Variants in SBNO2 observed in about 807,000 individuals in gnomAD.
SBNO2 encodes the protein protein strawberry notch homolog 2.
SBNO2 carries 89 observed loss-of-function variants against 146.3 expected under a neutral mutation model. That is an observed-to-expected ratio of 0.61 (90% CI 0.51 to 0.73). The LOEUF is 0.73. Among genes scored for constraint, SBNO2 ranks in the 30% least tolerant of loss-of-function variants. The pLI is 0.00. For missense variants in SBNO2, 2,092 were observed against 2,003.7 expected, an observed-to-expected ratio of 1.04 and a Z score of -0.84; for synonymous variants, 1,147 against 892.6, an observed-to-expected ratio of 1.29 and a Z score of -5.08.
chr19:1,156,681 G>A (rs750465909), intron 1 of SBNO2, among the ~76,000 whole-genome samples: 26 of 152,250 alleles, frequency 1.7e-4, no homozygotes, highest in Admixed American at 3.3e-4. Flanking sequence ...GAACAGCAGC[G>A]AGGCCGACCT....
In SBNO2 at chr19:1,122,431, C is replaced by T. The variant is rs182195916; in HGVS notation, c.1005+37G>A. On this transcript the variant is annotated intron_variant, in intron 10 of 31. Coordinates refer to ENST00000361757, the MANE Select transcript of SBNO2 (RefSeq NM_014963.3). ...GCCCCCACTTTGCAGGGCACGGTCC[C>T]CACCTTGCCCCCTACTTTGCCGAGC... The T allele has an allele frequency of 2.6e-6, 4 of 1,546,478 alleles. No homozygotes were observed. In the South Asian group the frequency reaches 3.6e-5, roughly 14 times the overall value.
intron 4 of SBNO2, among the ~76,000 whole-genome samples, chr19:1,143,455 G>A (rs1021748512): frequency 6.6e-6 from 1 of 152,116 alleles, no homozygotes; most frequent in Non-Finnish European, 1.5e-5. Flanking sequence ...CTGAACAACA[G>A]AGCCAGACCC....
chr19:1,163,580 CTG>C (rs1200144880), intron 1 of SBNO2, among the ~76,000 whole-genome samples: 26 of 152,226 alleles, frequency 1.7e-4, no homozygotes, highest in Admixed American at 1.7e-3. Flanking sequence ...ACGAGGCTGT[CTG>C]TGGATTTCCA....
intron 1 of SBNO2, among the ~76,000 whole-genome samples, chr19:1,168,182 AC>A (rs1010796861): frequency 6.6e-6 from 1 of 151,620 alleles, no homozygotes; most frequent in African/African-American, 2.4e-5. Flanking sequence ...AAGCATCCAC[AC>A]CCCCACCCCG....
At chr19:1,151,377 G>A (rs1368275686) in intron 2 of SBNO2, among the ~76,000 whole-genome samples, 1 of 152,166 alleles carries the variant, frequency 6.6e-6, no homozygotes, top group Non-Finnish European at 1.5e-5. Flanking sequence ...CTGTACCCAG[G>A]CCAGGCTAGG....
intron 17 of SBNO2, among the ~76,000 whole-genome samples, chr19:1,114,927 C>T (rs2079813502): frequency 6.6e-6 from 1 of 151,944 alleles, no homozygotes; most frequent in Non-Finnish European, 1.5e-5. Context: ...ACCACCACGC[C>T]TGGCTTATTT....
At chr19:1,131,421 GGGAGGACC>G (rs1211592404) in intron 4 of SBNO2, among the ~76,000 whole-genome samples, 29 of 63,460 alleles carry the variant, frequency 4.6e-4, no homozygotes, top group African/African-American at 2.1e-3. Context: ...GTGGGGAGCT[GGGAGGACC>G]TGGCTGGGAG....
At chr19:1,132,904 G>C (rs2080047444) in intron 4 of SBNO2, among the ~76,000 whole-genome samples, 1 of 152,212 alleles carries the variant, frequency 6.6e-6, no homozygotes, top group South Asian at 2.1e-4. Flanking sequence ...AGCGTCCTGG[G>C]AAAAGAACGT....
At chr19:1,120,577 G>A (rs1210660450) in intron 11 of SBNO2, among the ~76,000 whole-genome samples, 17 of 151,996 alleles carry the variant, frequency 1.1e-4, no homozygotes, top group Admixed American at 1.1e-3. Context: ...CCGTTTGGTT[G>A]GCCAGATAAT....
At chr19:1,170,819 T>C (rs919606553) in intron 1 of SBNO2, among the ~76,000 whole-genome samples, 2 of 151,216 alleles carry the variant, frequency 1.3e-5, no homozygotes, top group East Asian at 2.0e-4. Flanking sequence ...AAGTACACGT[T>C]TGCATGAGCA....
rs556378316 is a variant in SBNO2, at chr19:1,126,707, C to T, written c.441+897G>A. Among the ~76,000 whole-genome samples, 87 of 152,308 alleles carry T rather than the reference C, an allele frequency of 5.7e-4. No individual in the cohort carries two copies. The Middle Eastern group carries it at 0.01, about 18-fold the overall frequency. ...TATGGGTGTGAGCCCACCACTGTGC[C>T]GGGAGCGTGCGGAGGCTGGCATGGG... On this transcript the variant is annotated intron_variant, in intron 5 of 31. Transcript: ENST00000361757. The surrounding 1 kb of genome is among the most constrained non-coding windows in gnomAD (Gnocchi z 4.4).
At chr19:1,171,630 T>A (rs2080478697) in intron 1 of SBNO2, among the ~76,000 whole-genome samples, 1 of 152,192 alleles carries the variant, frequency 6.6e-6, no homozygotes, top group Non-Finnish European at 1.5e-5. Flanking sequence ...GAGCTCACTC[T>A]GGCGGTGTTG....
rs1273926314 is a variant in SBNO2 at position 1,111,977 on chromosome 19, C to A, written c.2700+19G>T. The A allele has an allele frequency of 6.2e-7, 1 of 1,609,440 alleles. No homozygotes were observed. Among genetic ancestry groups the A allele is most frequent in the South Asian group, 1.1e-5 (1 of 90,862 alleles). On this transcript the variant is annotated intron_variant, in intron 23 of 31. Coordinates refer to ENST00000361757, the MANE Select transcript of SBNO2 (RefSeq NM_014963.3). ...CCCTGCCCCTGCCCCGCCCCCCAACCCTGCCTTCCCTGCAGTACCTTGTTC... is the reference window on the plus strand; with the variant it reads ...CCCTGCCCCTGCCCCGCCCCCCAACACTGCCTTCCCTGCAGTACCTTGTTC...
intron 3 of SBNO2, among the ~76,000 whole-genome samples, chr19:1,148,023 C>T (rs1005290120): frequency 9.2e-5 from 14 of 151,968 alleles, no homozygotes; most frequent in South Asian, 2.1e-4. Context: ...TGCCCTTCCC[C>T]ACTCCGGCCC....
At chr19:1,122,823 G>A (rs1212803223) in intron 8 of SBNO2, 32 bp from the exon 9 acceptor site, 1 of 1,538,202 alleles carries the variant, frequency 6.5e-7, no homozygotes, top group Admixed American at 2.0e-5. Context: ...CAGGGCCTGG[G>A]GGTGCTGGCC....
At chr19:1,164,589 A>C in intron 1 of SBNO2, among the ~76,000 whole-genome samples, 1 of 96,488 alleles carries the variant, frequency 1.0e-5, no homozygotes, top group Admixed American at 1.3e-4. Context: ...CCCAGATGCC[A>C]GGGGCAGTGG....
chr19:1,122,123 G>T lies in SBNO2; in HGVS notation c.1149+16C>A, dbSNP rs1366533555. ...CTAATCCAGCCCTCCCCTCCCGATTGCCCCCAGCAGGATACGACGCCCTCG... is the reference window on the plus strand; with the variant it reads ...CTAATCCAGCCCTCCCCTCCCGATTTCCCCCAGCAGGATACGACGCCCTCG... On this transcript the variant is annotated intron_variant, in intron 11 of 31. Coordinates refer to ENST00000361757, the MANE Select transcript of SBNO2 (RefSeq NM_014963.3). 11 of 1,241,666 alleles carry T rather than the reference G, an allele frequency of 8.9e-6. No individual in the cohort carries two copies. The highest frequency in any genetic ancestry group is 7.5e-5 in the South Asian group (3 of 40,106). 76.9% of individuals were successfully genotyped at this position (1,241,666 alleles called of 1,614,324 possible). A position where few individuals can be genotyped will look rare whatever the true frequency, so the allele number is the denominator to read the frequency against.
chr19:1,151,729 C>T (rs780652132), intron 2 of SBNO2, among the ~76,000 whole-genome samples: 3 of 152,182 alleles, frequency 2.0e-5, no homozygotes, highest in African/African-American at 4.8e-5. Flanking sequence ...GTGGCACGAT[C>T]GTGGCTCACT....
chr19:1,142,592 A>C (rs2080151623), intron 4 of SBNO2, among the ~76,000 whole-genome samples: 1 of 152,198 alleles, frequency 6.6e-6, no homozygotes, highest in East Asian at 1.9e-4. Context: ...AGGCAGAAGA[A>C]TGGCTCACAC....
Sources: allele counts gnomAD v4.1 joint callset (sites outside exome capture counted in the v4.1 genomes callset), GRCh38; gene constraint gnomAD v4.1.1; non-coding constraint Gnocchi (gnomAD v3.1); transcripts MANE v1.5; gene names NCBI Gene and HGNC (gene_info 2026-07-23, HGNC 2026-07-21).